Variants in SLCO1A2 observed in about 807,000 individuals in gnomAD.
The protein encoded by SLCO1A2 is solute carrier organic anion transporter family member 1A2, also known as OATP-1.
Under a neutral mutation model 69.0 loss-of-function variants are expected in SLCO1A2, and 67 were observed. That is an observed-to-expected ratio of 0.97 (90% CI 0.80 to 1.19). The LOEUF is 1.19. SLCO1A2 is among the 50% of genes most tolerant of loss of function. The pLI, the probability that SLCO1A2 is intolerant of heterozygous loss-of-function variation, is 0.00. For synonymous variants in SLCO1A2, 260 were observed against 265.9 expected, an observed-to-expected ratio of 0.98 and a Z score of 0.22; for missense variants, 787 against 793.7, an observed-to-expected ratio of 0.99 and a Z score of 0.10.
rs1467364821 is a variant in SLCO1A2 at position 21,394,416 on chromosome 12, C to G, written c.-190+490G>C. Reference sequence around the variant, plus strand: ...ATTAGCCAGAAGTGGTAGTGCATGCCTGTAGTCCCAGCTACTGGGGAGGCT... The same window carrying G: ...ATTAGCCAGAAGTGGTAGTGCATGCGTGTAGTCCCAGCTACTGGGGAGGCT... On this transcript the variant is annotated intron_variant, in intron 1 of 15. Coordinates refer to the SLCO1A2 transcript ENST00000307378. Among the ~76,000 whole-genome samples the G allele has an allele frequency of 2.0e-5, 3 of 146,794 alleles. No individual in the cohort carries two copies. In the Admixed American group the frequency reaches 2.1e-4, roughly 10 times the overall value.
rs973650676 is a variant in SLCO1A2 at position 21,265,982 on chromosome 12, T to C, written c.*3566A>G. 1.3e-5 allele frequency: 2 copies of C among 152,124 alleles called. No individual in the cohort carries two copies. Among genetic ancestry groups the C allele is most frequent in the African/African-American group, 4.8e-5 (2 of 41,428 alleles). 9.4% of individuals were successfully genotyped at this position (152,124 alleles called of 1,614,324 possible). A position where few individuals can be genotyped will look rare whatever the true frequency, so the allele number is the denominator to read the frequency against. On this transcript the variant is annotated 3_prime_UTR_variant, in exon 15 of 15. Coordinates refer to ENST00000683939, the MANE Select transcript of SLCO1A2 (RefSeq NM_001386879.1). ...CTTGGTTCAAGGAGCATGAGTGATT[T>C]TTAGATGGTGAACGTTCAGTCAATG...
At chr12:21,370,331 C>CT (rs539121076) in intron 2 of SLCO1A2, among the ~76,000 whole-genome samples, 4,818 of 145,502 alleles carry the variant, frequency 0.033, 117 homozygotes, top group Non-Finnish European at 0.049. Context: ...TCTTCCTTTT[C>CT]TTTTTTTTTT....
intron 6 of SLCO1A2, among the ~76,000 whole-genome samples, chr12:21,301,797 T>C (rs1183116817): frequency 6.6e-6 from 1 of 152,192 alleles, no homozygotes; most frequent in Non-Finnish European, 1.5e-5. Context: ...TCCACAGTTT[T>C]ATTTTCCATG....
chr12:21,409,779 C>T (rs995674235), intron 1 of SLCO1A2, among the ~76,000 whole-genome samples: 1 of 152,190 alleles, frequency 6.6e-6, no homozygotes, highest in African/African-American at 2.4e-5. Flanking sequence ...GTATGGTACA[C>T]AGTCTTCCTT....
upstream of SLCO1A2, among the ~76,000 whole-genome samples, chr12:21,395,661 C>T (rs545234627): frequency 3.3e-4 from 51 of 152,258 alleles, no homozygotes; most frequent in Non-Finnish European, 4.1e-4. Flanking sequence ...TCTCCCAGCA[C>T]GCAGCTGGAC....
chr12:21,269,336 G>A lies in SLCO1A2; in HGVS notation c.*212C>T. On this transcript the variant is annotated 3_prime_UTR_variant, in exon 15 of 15. Transcript: ENST00000683939. ...AAGCTGGCTCTAAGAATCTTCTTTA[G>A]GGGGCTGTTATTGATGTCCCTCCTA... is the stretch of plus-strand genomic sequence containing the variant. 2.5e-6 allele frequency: 1 copy of A among 398,574 alleles called. No homozygotes were observed. 24.7% of individuals were successfully genotyped at this position (398,574 alleles called of 1,614,324 possible).
At chr12:21,400,460 T>C (rs1258637423) in intron 1 of SLCO1A2, among the ~76,000 whole-genome samples, 1 of 151,374 alleles carries the variant, frequency 6.6e-6, no homozygotes, top group Non-Finnish European at 1.5e-5. Context: ...ATTGTGGAAG[T>C]CAGTGTGGCG....
chr12:21,307,412 G>C (rs11045960), intron 4 of SLCO1A2, among the ~76,000 whole-genome samples: 4 of 152,020 alleles, frequency 2.6e-5, no homozygotes, highest in African/African-American at 9.7e-5. Flanking sequence ...TCTAAAGTTT[G>C]CTCAAAAGAA....
intron 14 of SLCO1A2, among the ~76,000 whole-genome samples, chr12:21,271,349 TGTTTA>T (rs1365491680): frequency 6.6e-6 from 1 of 151,852 alleles, no homozygotes; most frequent in African/African-American, 2.4e-5. Context: ...TTTATGTTTC[TGTTTA>T]ATTTCTGAAA....
At chr12:21,381,418 C>T (rs765884597) in intron 1 of SLCO1A2, among the ~76,000 whole-genome samples, 13 of 152,064 alleles carry the variant, frequency 8.5e-5, no homozygotes, top group Middle Eastern at 3.4e-3. Context: ...GAAAAAAATG[C>T]GCAACATCAC....
intron 1 of SLCO1A2, among the ~76,000 whole-genome samples, chr12:21,401,391 T>G (rs1166893939): frequency 6.6e-6 from 1 of 151,688 alleles, no homozygotes; most frequent in Non-Finnish European, 1.5e-5. Flanking sequence ...CCAGAAAACT[T>G]TAACAAAAAT....
chr12:21,393,987 A>G (rs890810305), intron 1 of SLCO1A2, among the ~76,000 whole-genome samples: 4 of 152,218 alleles, frequency 2.6e-5, no homozygotes, highest in African/African-American at 9.6e-5. Flanking sequence ...CTATAAAACA[A>G]TAACAGAACT....
chr12:21,365,904 T>C (rs907035660), intron 2 of SLCO1A2, among the ~76,000 whole-genome samples: 3 of 152,194 alleles, frequency 2.0e-5, no homozygotes, highest in Admixed American at 2.0e-4. Flanking sequence ...AAACAACAGG[T>C]GCTGGAGAGG....
chr12:21,342,758 TA>T (rs1565508717), intron 2 of SLCO1A2, among the ~76,000 whole-genome samples: 1 of 152,092 alleles, frequency 6.6e-6, no homozygotes, highest in Non-Finnish European at 1.5e-5. Flanking sequence ...CATCTATTCA[TA>T]AAAAATAAAA....
At chr12:21,413,111 T>A (rs965073771) in intron 1 of SLCO1A2, among the ~76,000 whole-genome samples, 4 of 152,174 alleles carry the variant, frequency 2.6e-5, no homozygotes, top group African/African-American at 9.6e-5. Context: ...TTTTTTGATT[T>A]TGGTATATAT....
chr12:21,407,815 A>AT (rs1941844879), intron 1 of SLCO1A2, among the ~76,000 whole-genome samples: 1 of 43,740 alleles, frequency 2.3e-5, no homozygotes, highest in Non-Finnish European at 5.1e-5. Flanking sequence ...GAAAATAAAA[A>AT]TAAATGAAAA....
At chr12:21,310,769 A>AT (rs1565490150) in intron 4 of SLCO1A2, among the ~76,000 whole-genome samples, 1 of 151,968 alleles carries the variant, frequency 6.6e-6, no homozygotes, top group Non-Finnish European at 1.5e-5. Context: ...CGCCTGGCTC[A>AT]TTTTTTTGTG....
At chr12:21,299,732 T>C (rs1948296196) in intron 8 of SLCO1A2, among the ~76,000 whole-genome samples, 1 of 147,060 alleles carries the variant, frequency 6.8e-6, no homozygotes, top group Non-Finnish European at 1.5e-5. Context: ...CTCTGTAAAA[T>C]CGGTTTTTTG....
At position 21,373,384 on chromosome 12, in the gene SLCO1A2, T is replaced by C. The variant is rs767861030; in HGVS notation, c.-63+1015A>G. The C allele has an allele frequency of 6.2e-6, 10 of 1,613,678 alleles. No individual in the cohort carries two copies. In the South Asian group the frequency reaches 1.1e-4, roughly 18 times the overall value. On this transcript the variant is annotated intron_variant, in intron 2 of 15. Coordinates refer to the SLCO1A2 transcript ENST00000307378. Reference sequence around the variant, plus strand: ...TCCTGAAGCTGCAAGTATTTCTCATTGTGCTCTCTGTTGCATTGAACCATC... The same window carrying C: ...TCCTGAAGCTGCAAGTATTTCTCATCGTGCTCTCTGTTGCATTGAACCATC...
Sources: gnomAD v4.1 joint callset for allele counts (sites outside exome capture counted in the v4.1 genomes callset) on GRCh38, gnomAD v4.1.1 for gene constraint, MANE v1.5 for transcripts, NCBI Gene and HGNC (gene_info 2026-07-23, HGNC 2026-07-21) for gene names.